Variants in SLMAP observed in about 807,000 individuals in gnomAD.
SLMAP encodes the protein sarcolemmal membrane-associated protein.
SLMAP carries 44 observed loss-of-function variants against 128.8 expected under a neutral mutation model. The ratio of observed to expected loss-of-function variants is 0.34; its 90% CI spans 0.27 to 0.44. SLMAP has a LOEUF of 0.44. Ranked by LOEUF, SLMAP falls within the 20% of genes least tolerant of loss-of-function variation. SLMAP has a pLI of 1.00. For missense variants in SLMAP, 787 were observed against 985.3 expected (o/e 0.80, Z 2.69); for synonymous variants, 327 against 348.8 (o/e 0.94, Z 0.70).
chr3:57,913,589 C>G (rs575890029), intron 21 of SLMAP, among the ~76,000 whole-genome samples: 1 of 152,248 alleles, frequency 6.6e-6, no homozygotes, highest in African/African-American at 2.4e-5. Flanking sequence ...TAATAAATTT[C>G]AAATATCAAC....
At chr3:57,899,889 G>A (rs1397381156) in intron 17 of SLMAP, 1 of 152,074 alleles carries the variant, frequency 6.6e-6, no homozygotes, top group African/African-American at 2.4e-5. Flanking sequence ...GCCCTTTATG[G>A]TCATTATTAT....
intron 2 of SLMAP, among the ~76,000 whole-genome samples, chr3:57,779,325 T>A (rs2082528521): frequency 6.6e-6 from 1 of 151,532 alleles, no homozygotes; most frequent in Non-Finnish European, 1.5e-5. Context: ...CTGGGCAACA[T>A]GGCGAAACTC....
intron 2 of SLMAP, among the ~76,000 whole-genome samples, chr3:57,804,538 G>GT (rs2089379236): frequency 6.6e-6 from 1 of 152,198 alleles, no homozygotes; most frequent in Admixed American, 6.5e-5. Context: ...GAGCCTAGGA[G>GT]TTTGAGACCA....
At chr3:57,759,578 C>A in intron 2 of SLMAP, among the ~76,000 whole-genome samples, 1 of 152,154 alleles carries the variant, frequency 6.6e-6, no homozygotes, top group Non-Finnish European at 1.5e-5. Flanking sequence ...ACCTGGCCCT[C>A]ATAATTCTTT....
intron 2 of SLMAP, among the ~76,000 whole-genome samples, chr3:57,797,970 C>G (rs545227736): frequency 3.7e-4 from 57 of 152,130 alleles, no homozygotes; most frequent in Non-Finnish European, 7.3e-4. Flanking sequence ...AGAAATTTAG[C>G]TTCATTGTGC....
chr3:57,782,896 C>T (rs1048248980), intron 2 of SLMAP, among the ~76,000 whole-genome samples: 2 of 152,184 alleles, frequency 1.3e-5, no homozygotes, highest in African/African-American at 4.8e-5. Flanking sequence ...TTTCCATGTT[C>T]TGCCATGCAG....
intron 2 of SLMAP, among the ~76,000 whole-genome samples, chr3:57,811,861 A>G (rs1237714081): frequency 6.6e-6 from 1 of 152,126 alleles, no homozygotes; most frequent in Admixed American, 6.5e-5. Context: ...CTTATTGGCC[A>G]TCATATATCT....
chr3:57,780,159 T>C (rs2082731032), intron 2 of SLMAP, among the ~76,000 whole-genome samples: 1 of 152,040 alleles, frequency 6.6e-6, no homozygotes, highest in African/African-American at 2.4e-5. Context: ...CCTTCTTTTT[T>C]TTTTTGAGAC....
chr3:57,853,993 ATATATATTTACATATAATATATAT>A (rs2094632488), intron 6 of SLMAP, among the ~76,000 whole-genome samples: 1 of 110,268 alleles, frequency 9.1e-6, no homozygotes, highest in African/African-American at 3.5e-5. Flanking sequence ...ATATATATAT[ATATATATTTACATATAATATATAT>A]TATATATAAT....
chr3:57,822,815 A>G lies in SLMAP; in HGVS notation c.199-8568A>G, dbSNP rs560934514. The stretch of plus-strand genomic sequence containing the variant: ...CATTTAAGATTTAAAGAGACAGCAC[A>G]TTCCCTCAAACTCCTTTTCTTATTG... On this transcript the variant is annotated intron_variant, in intron 2 of 24. Transcript: ENST00000671191. 6.6e-5 allele frequency among the ~76,000 whole-genome samples: 10 copies of G among 152,362 alleles called. No homozygotes were observed. In the South Asian group the frequency reaches 1.7e-3, roughly 25 times the overall value.
At chr3:57,890,351 T>C in intron 15 of SLMAP, 1 of 353,618 alleles carries the variant, frequency 2.8e-6, no homozygotes, top group Non-Finnish European at 5.1e-6. Flanking sequence ...TTGATATAGG[T>C]TTCTTTAGGT....
chr3:57,865,986 G>A (rs909243780), intron 13 of SLMAP, among the ~76,000 whole-genome samples: 3 of 152,154 alleles, frequency 2.0e-5, no homozygotes, highest in Non-Finnish European at 4.4e-5. Context: ...CAGACCCTGC[G>A]CTAGGTGCTT....
chr3:57,763,431 C>G (rs1316620462), intron 2 of SLMAP, among the ~76,000 whole-genome samples: 1 of 151,974 alleles, frequency 6.6e-6, no homozygotes, highest in South Asian at 2.1e-4. Flanking sequence ...CACACTACCA[C>G]GCCCAGCTAC....
chr3:57,851,641 T>G (rs2094506551), intron 6 of SLMAP, among the ~76,000 whole-genome samples: 1 of 151,372 alleles, frequency 6.6e-6, no homozygotes, highest in Non-Finnish European at 1.5e-5. Context: ...CCTGGCTAAT[T>G]TTTTGTATTT....
chr3:57,862,292 T>C (rs988509363), intron 10 of SLMAP, among the ~76,000 whole-genome samples: 9 of 150,918 alleles, frequency 6.0e-5, no homozygotes, highest in African/African-American at 2.2e-4. Context: ...CACTCCAGCC[T>C]GGGCGACAGA....
At chr3:57,861,452 T>C (rs527601304) in intron 9 of SLMAP, among the ~76,000 whole-genome samples, 2 of 152,312 alleles carry the variant, frequency 1.3e-5, no homozygotes, top group African/African-American at 4.8e-5. Flanking sequence ...AGAAACTAAA[T>C]GGTAAACATA....
chr3:57,765,363 C>G (rs1165209875), intron 2 of SLMAP, among the ~76,000 whole-genome samples: 2 of 151,996 alleles, frequency 1.3e-5, no homozygotes, highest in Non-Finnish European at 2.9e-5. Context: ...ATTGCTCTAG[C>G]CTGGGTGACA....
At chr3:57,841,855 T>G (rs1349175272) in intron 4 of SLMAP, among the ~76,000 whole-genome samples, 1 of 152,114 alleles carries the variant, frequency 6.6e-6, no homozygotes, top group Non-Finnish European at 1.5e-5. Flanking sequence ...TTACTTTTTG[T>G]ATGAAGGAGT....
At chr3:57,877,439 A>G (rs571589713) in intron 14 of SLMAP, among the ~76,000 whole-genome samples, 24 of 152,270 alleles carry the variant, frequency 1.6e-4, no homozygotes, top group Admixed American at 1.3e-3. Context: ...GTAAACTTTT[A>G]TTTCTCTAAG....
Sources: gnomAD v4.1 joint callset for allele counts (sites outside exome capture counted in the v4.1 genomes callset) on GRCh38, gnomAD v4.1.1 for gene constraint, MANE v1.5 for transcripts, NCBI Gene and HGNC (gene_info 2026-07-23, HGNC 2026-07-21) for gene names.